The following THRB variants were observed in gnomAD, a reference collection of about 807,000 sequenced individuals.
THRB encodes nuclear receptor subfamily 1 group A member 2.
In THRB, 12 loss-of-function variants were observed where a neutral mutation model predicts 47.8. The ratio of observed to expected loss-of-function variants is 0.25; its 90% CI spans 0.16 to 0.41. The LOEUF is 0.41. THRB is among the 10% of genes least tolerant of loss of function. The probability of loss-of-function intolerance (pLI) is 1.00; values close to 1 mark genes in which losing one functional copy is unlikely to be tolerated. For synonymous variants in THRB, 218 were observed against 212.2 expected (o/e 1.03, Z -0.24); for missense variants, 348 against 589.2 (o/e 0.59, Z 4.24).
rs1202465745 is a variant in THRB at position 24,261,625 on chromosome 3, TC to T, written c.-42-32625del. The stretch of plus-strand genomic sequence containing the variant: ...CCTTACTCCCTGATTCCAATTTCTT[TC>T]CTGCCTTTTTCTCTGAAAGTTTCTC... On this transcript the variant is annotated intron_variant, in intron 3 of 10. Coordinates refer to ENST00000646209, the MANE Select transcript of THRB (RefSeq NM_001354712.2). Among the ~76,000 whole-genome samples, 3 of 152,284 alleles carry T rather than the reference TC, an allele frequency of 2.0e-5. 1 individual carries two copies. Among genetic ancestry groups the T allele is most frequent in the African/African-American group, 7.2e-5 (3 of 41,550 alleles).
intron 4 of THRB, among the ~76,000 whole-genome samples, chr3:24,191,801 A>G (rs924391294): frequency 2.0e-5 from 3 of 152,236 alleles, no homozygotes; most frequent in African/African-American, 7.2e-5. Flanking sequence ...GGAGAAAACC[A>G]TGAACAATAG....
At chr3:24,414,441 A>G (rs1452052293) in intron 1 of THRB, among the ~76,000 whole-genome samples, 1 of 151,908 alleles carries the variant, frequency 6.6e-6, no homozygotes, top group Non-Finnish European at 1.5e-5. Flanking sequence ...TAAAAGCTCT[A>G]CAATACAATC....
At chr3:24,206,016 C>A (rs1429288095) in intron 4 of THRB, among the ~76,000 whole-genome samples, 3 of 152,116 alleles carry the variant, frequency 2.0e-5, no homozygotes, top group African/African-American at 7.2e-5. Context: ...CCTTAGTGAC[C>A]TACAAAGAGA....
At chr3:24,185,098 T>C (rs1234773533) in intron 5 of THRB, among the ~76,000 whole-genome samples, 1 of 152,240 alleles carries the variant, frequency 6.6e-6, no homozygotes, top group East Asian at 1.9e-4. Context: ...CATGAATTAA[T>C]AGTTTTCCCC....
chr3:24,322,703 G>A (rs2058562429), intron 2 of THRB, among the ~76,000 whole-genome samples: 1 of 152,124 alleles, frequency 6.6e-6, no homozygotes, highest in Non-Finnish European at 1.5e-5. Flanking sequence ...CTTTTCCATT[G>A]TTATTATCAA....
At chr3:24,319,948 C>T (rs895306989) in intron 2 of THRB, among the ~76,000 whole-genome samples, 1 of 152,188 alleles carries the variant, frequency 6.6e-6, no homozygotes, top group East Asian at 1.9e-4. Flanking sequence ...GCAAAGACAT[C>T]CACTGCTCTG....
At chr3:24,486,551 T>C (rs1054796914) in intron 1 of THRB, 1 of 152,244 alleles carries the variant, frequency 6.6e-6, no homozygotes, top group African/African-American at 2.4e-5. Flanking sequence ...GATACATGAA[T>C]GCATGTGCAC....
At chr3:24,407,149 T>A (rs1577359551) in intron 1 of THRB, among the ~76,000 whole-genome samples, 1 of 151,974 alleles carries the variant, frequency 6.6e-6, no homozygotes, top group East Asian at 2.0e-4. Context: ...GCTAGAAGCA[T>A]CCAGTTATGA....
chr3:24,315,723 G>A (rs577352654), intron 2 of THRB, among the ~76,000 whole-genome samples: 19 of 152,266 alleles, frequency 1.2e-4, no homozygotes, highest in African/African-American at 4.1e-4. Flanking sequence ...ACCCTGTTAC[G>A]ATTAGAACTT....
rs372690669 is a variant in THRB at position 24,380,021 on chromosome 3, T to C, written c.-260-42650A>G. Among the ~76,000 whole-genome samples, 43 of 151,474 alleles carry C rather than the reference T, an allele frequency of 2.8e-4. 1 individual carries two copies. Among genetic ancestry groups the C allele is most frequent in the South Asian group, 2.3e-3 (11 of 4,730 alleles). ...CTTTATATGCCCATTGCCTTGGCCC[T>C]GGTCAATGTTCTTATGATGTTCTTA... is the stretch of plus-strand genomic sequence containing the variant. On this transcript the variant is annotated intron_variant, in intron 1 of 10. Transcript: ENST00000646209.
rs115060326 is a variant in THRB at position 24,437,487 on chromosome 3, T to C, written c.-261+57165A>G. ...GAAAGTACAGTAAGGAGACTATAGTTAACAATTGACTGTACATTTCAAAAT... is the reference window on the plus strand; with the variant it reads ...GAAAGTACAGTAAGGAGACTATAGTCAACAATTGACTGTACATTTCAAAAT... On this transcript the variant is annotated intron_variant, in intron 1 of 10. Transcript: ENST00000646209. Among the ~76,000 whole-genome samples the C allele has an allele frequency of 7.1e-3, 1,084 of 152,198 alleles. 10 individuals are homozygous for C. The highest frequency in any genetic ancestry group is 0.025 in the African/African-American group (1,032 of 41,522).
At chr3:24,495,491 C>G (rs1027186754), upstream of THRB, 4 of 152,810 alleles carry the variant, frequency 2.6e-5, no homozygotes, top group African/African-American at 9.6e-5. Flanking sequence ...CAGGTGTGGG[C>G]GCTCCCCCTC....
chr3:24,166,654 G>A (rs947751462), intron 5 of THRB, among the ~76,000 whole-genome samples: 2 of 152,076 alleles, frequency 1.3e-5, no homozygotes, highest in Non-Finnish European at 2.9e-5. Flanking sequence ...CAGGAAGGGC[G>A]GATGCTGCTC....
intron 3 of THRB, among the ~76,000 whole-genome samples, chr3:24,288,049 C>G (rs2055511955): frequency 6.6e-6 from 1 of 152,234 alleles, no homozygotes. Flanking sequence ...ATTAACACAT[C>G]ATGATACCAG....
chr3:24,208,474 C>A (rs996957705), intron 4 of THRB, among the ~76,000 whole-genome samples: 17 of 152,316 alleles, frequency 1.1e-4, no homozygotes, highest in African/African-American at 3.6e-4. Flanking sequence ...GTAACCAAAA[C>A]AGCATGGTAC....
At position 24,304,789 on chromosome 3, in the gene THRB, GA is replaced by G. The variant is rs2057223572; in HGVS notation, c.-188-7419del. On this transcript the variant is annotated intron_variant, in intron 2 of 10. Transcript: ENST00000646209. ...CTTATTAATATGATTAAAGGAAGAA[GA>G]GGGGGAAATACTAGGATTGAGCAAA... Among the ~76,000 whole-genome samples the G allele has an allele frequency of 2.0e-5, 3 of 152,236 alleles. No homozygotes were observed. In the South Asian group the frequency reaches 6.2e-4, roughly 32 times the overall value.
intron 4 of THRB, among the ~76,000 whole-genome samples, chr3:24,217,716 TCATGC>T (rs776829726): frequency 3.3e-5 from 5 of 152,172 alleles, no homozygotes; most frequent in Admixed American, 6.5e-5. Context: ...TGTGATTGTA[TCATGC>T]TAAGTCCTCC....
At position 24,143,500 on chromosome 3, in the gene THRB, C is replaced by T; in HGVS notation, c.738+1G>A. 1 of 1,614,088 alleles carries T rather than the reference C, an allele frequency of 6.2e-7. No individual in the cohort carries two copies. Among genetic ancestry groups the T allele is most frequent in the Non-Finnish European group, 8.5e-7 (1 of 1,179,962 alleles). On this transcript the variant is annotated splice_donor_variant, in intron 8 of 10. Transcript: ENST00000646209. LOFTEE classifies it high-confidence loss of function. Reference sequence around the variant, plus strand: ...AACTGATCTGTGCAAGGAAGCCTTACCAGGAATTTCCGTTTTTGCTTCCAG... The same window carrying T: ...AACTGATCTGTGCAAGGAAGCCTTATCAGGAATTTCCGTTTTTGCTTCCAG...
intron 1 of THRB, among the ~76,000 whole-genome samples, chr3:24,369,382 G>T (rs1448232977): frequency 6.6e-6 from 1 of 152,152 alleles, no homozygotes; most frequent in Non-Finnish European, 1.5e-5. Context: ...CTCTCAGCTT[G>T]TGAGTTGCAG....
Sources: gnomAD v4.1 joint callset for allele counts (sites outside exome capture counted in the v4.1 genomes callset) on GRCh38, gnomAD v4.1.1 for gene constraint, MANE v1.5 for transcripts, NCBI Gene and HGNC (gene_info 2026-07-23, HGNC 2026-07-21) for gene names.